The following PRKN variants were observed in gnomAD, a reference collection of about 807,000 sequenced individuals.
PRKN encodes E3 ubiquitin-protein ligase parkin.
PRKN carries 56 observed loss-of-function variants against 59.5 expected under a neutral mutation model. The ratio of observed to expected loss-of-function variants is 0.94; its 90% CI spans 0.76 to 1.18. The LOEUF (loss-of-function observed/expected upper bound fraction) is 1.18. PRKN is among the 50% of genes most tolerant of loss of function. PRKN has a pLI of 0.00. For synonymous variants in PRKN, 250 were observed against 222.1 expected, an observed-to-expected ratio of 1.13 and a Z score of -1.12; for missense variants, 657 against 596.4, an observed-to-expected ratio of 1.10 and a Z score of -1.06.
At chr6:162,673,254 C>T (rs913488145) in intron 1 of PRKN, among the ~76,000 whole-genome samples, 2 of 151,694 alleles carry the variant, frequency 1.3e-5, no homozygotes, top group Admixed American at 6.6e-5. Context: ...GTAGCTGGTG[C>T]CCAGAACAAT....
At chr6:162,523,674 G>GA (rs1231410398) in intron 1 of PRKN, among the ~76,000 whole-genome samples, 8 of 151,732 alleles carry the variant, frequency 5.3e-5, no homozygotes, top group Non-Finnish European at 5.9e-5. Flanking sequence ...AAAGAAAAAA[G>GA]AAAAAATCCA....
At chr6:161,661,090 T>A (rs1330598584) in intron 7 of PRKN, among the ~76,000 whole-genome samples, 2 of 152,168 alleles carry the variant, frequency 1.3e-5, no homozygotes, top group Admixed American at 1.3e-4. Flanking sequence ...CTGATCTGGG[T>A]TAGCACAAGA....
intron 7 of PRKN, among the ~76,000 whole-genome samples, chr6:161,643,799 T>TA (rs146412311): frequency 1.3e-5 from 2 of 152,170 alleles, no homozygotes; most frequent in African/African-American, 2.4e-5. Context: ...AAATTTTTTT[T>TA]AAAAAAACTT....
At chr6:162,356,380 GACAA>G (rs1784855216) in intron 2 of PRKN, among the ~76,000 whole-genome samples, 1 of 151,640 alleles carries the variant, frequency 6.6e-6, no homozygotes, top group Non-Finnish European at 1.5e-5. Flanking sequence ...CCTCTTTCAG[GACAA>G]GAAATGACTA....
At chr6:161,411,999 A>C (rs1787578822) in intron 9 of PRKN, among the ~76,000 whole-genome samples, 1 of 123,210 alleles carries the variant, frequency 8.1e-6, no homozygotes, top group African/African-American at 3.2e-5. Flanking sequence ...TTCCTTCCTC[A>C]CTCATTCCTC....
chr6:161,739,361 T>C (rs1788097525), intron 7 of PRKN, among the ~76,000 whole-genome samples: 1 of 152,008 alleles, frequency 6.6e-6, no homozygotes, highest in Non-Finnish European at 1.5e-5. Flanking sequence ...TGAGCTGAAA[T>C]TGCACCACTG....
At position 162,163,472 on chromosome 6, in the gene PRKN, AG is replaced by A. The variant is rs574468994; in HGVS notation, c.534+37658del. Reference sequence around the variant, plus strand: ...ATATTGGAGGTAAAAAGAAGAAAAAAGATTATAATGTGTGCTCTGGCTTGTA... The same window carrying A: ...ATATTGGAGGTAAAAAGAAGAAAAAAATTATAATGTGTGCTCTGGCTTGTA... On this transcript the variant is annotated intron_variant, in intron 4 of 11. Coordinates refer to ENST00000366898, the MANE Select transcript of PRKN (RefSeq NM_004562.3). Among the ~76,000 whole-genome samples the A allele has an allele frequency of 1.8e-3, 274 of 149,590 alleles. 18 individuals are homozygous for A. The highest frequency in any genetic ancestry group is 3.7e-3 in the Non-Finnish European group (249 of 67,520).
intron 7 of PRKN, among the ~76,000 whole-genome samples, chr6:161,761,117 A>G (rs1039713347): frequency 6.6e-6 from 1 of 152,234 alleles, no homozygotes; most frequent in African/African-American, 2.4e-5. Flanking sequence ...GTCCTAAGGT[A>G]TTATGGCCAG....
chr6:162,362,493 C>G (rs1021882913), intron 2 of PRKN, among the ~76,000 whole-genome samples: 2 of 151,950 alleles, frequency 1.3e-5, no homozygotes, highest in Non-Finnish European at 2.9e-5. Flanking sequence ...TGTAAAATAA[C>G]TGAAAAATAA....
chr6:161,392,187 C>T (rs767814979), intron 9 of PRKN, among the ~76,000 whole-genome samples: 20 of 151,676 alleles, frequency 1.3e-4, no homozygotes, highest in Non-Finnish European at 2.8e-4. Context: ...CCGCCTGCCT[C>T]GGCCTCCCAA....
chr6:162,552,294 C>T (rs1240400748), intron 1 of PRKN, among the ~76,000 whole-genome samples: 3 of 152,048 alleles, frequency 2.0e-5, no homozygotes, highest in African/African-American at 4.8e-5. Context: ...GGGGAAAAAA[C>T]GGGGTTTTAG....
chr6:161,999,635 G>A (rs918953696), intron 5 of PRKN, among the ~76,000 whole-genome samples: 2 of 152,104 alleles, frequency 1.3e-5, no homozygotes, highest in East Asian at 1.9e-4. Flanking sequence ...GGTGAGGAGT[G>A]ATTGCACTAT....
intron 6 of PRKN, among the ~76,000 whole-genome samples, chr6:161,828,652 C>A (rs1792345776): frequency 6.6e-6 from 1 of 152,176 alleles, no homozygotes; most frequent in Non-Finnish European, 1.5e-5. Context: ...CAGAACAGGC[C>A]AGGCACTCTG....
intron 2 of PRKN, among the ~76,000 whole-genome samples, chr6:162,429,620 C>A (rs762143318): frequency 6.6e-6 from 1 of 152,084 alleles, no homozygotes; most frequent in African/African-American, 2.4e-5. Flanking sequence ...CCGCCACCTG[C>A]CCCATTTCGC....
chr6:162,010,241 T>TA (rs1491090042), intron 5 of PRKN, among the ~76,000 whole-genome samples: 2 of 120,714 alleles, frequency 1.7e-5, no homozygotes, highest in Non-Finnish European at 3.6e-5. Flanking sequence ...ATTTTATATA[T>TA]TTATTATACA....
chr6:161,834,966 C>T (rs1296456985), intron 6 of PRKN, among the ~76,000 whole-genome samples: 5 of 152,248 alleles, frequency 3.3e-5, no homozygotes, highest in South Asian at 2.1e-4. Context: ...CACCCCACCC[C>T]GGAGCACCCC....
intron 2 of PRKN, among the ~76,000 whole-genome samples, chr6:162,298,608 AC>A (rs1198686507): frequency 4.8e-5 from 2 of 41,774 alleles, no homozygotes; most frequent in Admixed American, 2.6e-4. Flanking sequence ...TGACTCTCCC[AC>A]CCCCCCACCA....
At chr6:162,121,332 A>T (rs1780906411) in intron 4 of PRKN, among the ~76,000 whole-genome samples, 1 of 152,216 alleles carries the variant, frequency 6.6e-6, no homozygotes, top group African/African-American at 2.4e-5. Context: ...ATTTTAGTGA[A>T]GTTCTTGGGG....
chr6:162,083,204 C>A (rs1779127922), intron 4 of PRKN, among the ~76,000 whole-genome samples: 1 of 151,942 alleles, frequency 6.6e-6, no homozygotes, highest in Non-Finnish European at 1.5e-5. Context: ...ATCCACCCGC[C>A]ATATACTTTT....
Sources: gnomAD v4.1 joint callset for allele counts (sites outside exome capture counted in the v4.1 genomes callset) on GRCh38, gnomAD v4.1.1 for gene constraint, MANE v1.5 for transcripts, NCBI Gene and HGNC (gene_info 2026-07-23, HGNC 2026-07-21) for gene names.